Variants in HERPUD2 observed in about 807,000 individuals in gnomAD.
The protein encoded by HERPUD2 is HERPUD family member 2.
A neutral mutation model predicts 49.9 loss-of-function variants in HERPUD2; 13 were observed. The observed-to-expected ratio is 0.26, with a 90% CI of 0.17 to 0.41. The LOEUF (loss-of-function observed/expected upper bound fraction) is 0.41. Ranked by LOEUF, HERPUD2 falls within the 10% of genes least tolerant of loss-of-function variation. The probability of loss-of-function intolerance (pLI) is 1.00; values close to 1 mark genes in which losing one functional copy is unlikely to be tolerated. For synonymous variants in HERPUD2, 172 were observed against 171.4 expected, an observed-to-expected ratio of 1.00 and a Z score of -0.03; for missense variants, 449 against 492.2, an observed-to-expected ratio of 0.91 and a Z score of 0.83.
intron 5 of HERPUD2, among the ~76,000 whole-genome samples, chr7:35,640,768 C>T (rs1007286697): frequency 3.3e-5 from 5 of 152,034 alleles, no homozygotes; most frequent in Non-Finnish European, 5.9e-5. Flanking sequence ...AAACACATTA[C>T]TTAAGAATTT....
At chr7:35,669,712 G>A (rs1295006266) in intron 4 of HERPUD2, among the ~76,000 whole-genome samples, 2 of 152,090 alleles carry the variant, frequency 1.3e-5, no homozygotes, top group African/African-American at 2.4e-5. Context: ...AATACATTAA[G>A]TATTTCCTCC....
Position 35,638,331 on chromosome 7 carries a change from T to G in HERPUD2, c.617+19A>C. On this transcript the variant is annotated intron_variant, in intron 6 of 8. Coordinates refer to ENST00000311350, the MANE Select transcript of HERPUD2 (RefSeq NM_022373.5). ...ATAACACACTGAGTAACTTAAAAAA[T>G]GAACTCAGATTAACTTACTACTGCA... 1 of 1,563,166 alleles carries G rather than the reference T, an allele frequency of 6.4e-7. No individual in the cohort carries two copies. Among genetic ancestry groups the G allele is most frequent in the South Asian group, 1.2e-5 (1 of 82,692 alleles).
At chr7:35,645,093 G>A (rs1785029641) in intron 5 of HERPUD2, among the ~76,000 whole-genome samples, 1 of 152,196 alleles carries the variant, frequency 6.6e-6, no homozygotes, top group Admixed American at 6.5e-5. Context: ...ATGGTAGTTT[G>A]CTGATTGTTG....
At chr7:35,694,080 G>A in intron 2 of HERPUD2, 104 bp downstream of exon 2, 1 of 1,203,296 alleles carries the variant, frequency 8.3e-7, no homozygotes, top group South Asian at 1.3e-5. Context: ...TACCAAAAGA[G>A]ACCTATTTGA....
At chr7:35,666,337 TTGCTATA>T (rs1785535593) in intron 5 of HERPUD2, among the ~76,000 whole-genome samples, 1 of 152,260 alleles carries the variant, frequency 6.6e-6, no homozygotes, top group African/African-American at 2.4e-5. Context: ...TCTCTTCTAT[TTGCTATA>T]TATTCAGCTT....
At chr7:35,634,523 G>T in intron 7 of HERPUD2, 94 bp from the exon 8 acceptor site, 1 of 704,688 alleles carries the variant, frequency 1.4e-6, no homozygotes, top group Non-Finnish European at 2.4e-6. Flanking sequence ...AGAGAAAAAT[G>T]ATTAAAACTA....
At chr7:35,641,047 C>G (rs928949664) in intron 5 of HERPUD2, among the ~76,000 whole-genome samples, 5 of 152,000 alleles carry the variant, frequency 3.3e-5, no homozygotes, top group African/African-American at 1.2e-4. Context: ...ACATATTTGA[C>G]AACAAAATTT....
chr7:35,638,520 G>A (rs1431667331), intron 5 of HERPUD2, 48 bp from the exon 6 acceptor site: 1 of 1,550,672 alleles, frequency 6.4e-7, no homozygotes, highest in South Asian at 1.2e-5. Flanking sequence ...GCAGCTAAAA[G>A]TATTATTCTA....
chr7:35,689,843 A>G (rs1786141926), intron 2 of HERPUD2, among the ~76,000 whole-genome samples: 1 of 152,218 alleles, frequency 6.6e-6, no homozygotes, highest in African/African-American at 2.4e-5. Flanking sequence ...GAGCCAAGCC[A>G]TGCAAGCCCC....
intron 4 of HERPUD2, 45 bp downstream of exon 4, chr7:35,670,168 GAA>G: frequency 3.4e-6 from 3 of 893,716 alleles, no homozygotes; most frequent in South Asian, 1.9e-5. Flanking sequence ...AGACGACGAC[GAA>G]AAAAAAAGAA....
intron 2 of HERPUD2, among the ~76,000 whole-genome samples, chr7:35,688,155 A>G (rs1348352372): frequency 1.3e-5 from 2 of 152,184 alleles, no homozygotes; most frequent in African/African-American, 4.8e-5. Context: ...GGGTCCCAGG[A>G]AGTGCACAAA....
intron 7 of HERPUD2, 52 bp from the exon 8 acceptor site, chr7:35,634,481 G>A: frequency 9.1e-7 from 1 of 1,104,302 alleles, no homozygotes. Flanking sequence ...GTTTTTATTT[G>A]TAACACTATA....
intron 2 of HERPUD2, among the ~76,000 whole-genome samples, chr7:35,692,745 A>G (rs1310028886): frequency 1.3e-5 from 2 of 152,214 alleles, no homozygotes; most frequent in Admixed American, 6.5e-5. Context: ...TTTTGCAATA[A>G]CCGTCCTATT....
At chr7:35,668,924 T>G (rs1785593328) in intron 4 of HERPUD2, among the ~76,000 whole-genome samples, 1 of 152,204 alleles carries the variant, frequency 6.6e-6, no homozygotes, top group Non-Finnish European at 1.5e-5. Context: ...TTAAAATATT[T>G]TCAAGTCCCT....
chr7:35,666,711 T>G (rs1785544320), intron 5 of HERPUD2, among the ~76,000 whole-genome samples: 1 of 152,236 alleles, frequency 6.6e-6, no homozygotes, highest in East Asian at 1.9e-4. Flanking sequence ...TCTAAGCTGC[T>G]TTACCTGTGG....
chr7:35,676,983 G>T (rs557044278), intron 2 of HERPUD2, among the ~76,000 whole-genome samples: 1 of 152,140 alleles, frequency 6.6e-6, no homozygotes, highest in Non-Finnish European at 1.5e-5. Flanking sequence ...TCTTGTAACT[G>T]TGTCATCATC....
chr7:35,658,239 T>C (rs1785325534), intron 5 of HERPUD2, among the ~76,000 whole-genome samples: 1 of 152,124 alleles, frequency 6.6e-6, no homozygotes, highest in African/African-American at 2.4e-5. Flanking sequence ...AAAAAACACA[T>C]ATTTCATATT....
rs530898785 is a variant in HERPUD2 at position 35,693,629 on chromosome 7, T to C, written c.147+555A>G. On this transcript the variant is annotated intron_variant, in intron 2 of 8. Transcript: ENST00000311350. ...ATGACTTTAAGTCCAAAGAAAGTAGTCCCTTTTCCATGCCTGCCAATTCTT... is the reference window on the plus strand; with the variant it reads ...ATGACTTTAAGTCCAAAGAAAGTAGCCCCTTTTCCATGCCTGCCAATTCTT... Among the ~76,000 whole-genome samples, 4 of 152,134 alleles carry C rather than the reference T, an allele frequency of 2.6e-5. No individual in the cohort carries two copies. In the East Asian group the frequency reaches 7.7e-4, roughly 29 times the overall value.
intron 2 of HERPUD2, among the ~76,000 whole-genome samples, chr7:35,675,983 C>T (rs1347642993): frequency 6.6e-6 from 1 of 152,122 alleles, no homozygotes; most frequent in Non-Finnish European, 1.5e-5. Context: ...TTTCTCTTCA[C>T]CTGTACAAAT....
Sources: allele counts gnomAD v4.1 joint callset (sites outside exome capture counted in the v4.1 genomes callset), GRCh38; gene constraint gnomAD v4.1.1; transcripts MANE v1.5; gene names NCBI Gene and HGNC (gene_info 2026-07-23, HGNC 2026-07-21).